MTSS2: variants seen among roughly 807,000 people sequenced by gnomAD.
MTSS2 encodes protein MTSS 2.
MTSS2 carries 27 observed loss-of-function variants against 67.1 expected under a neutral mutation model. The ratio of observed to expected loss-of-function variants is 0.40; its 90% CI spans 0.30 to 0.55. The LOEUF is 0.55. MTSS2 is among the 20% of genes least tolerant of loss of function. The pLI is 0.43. For missense variants in MTSS2, 1,171 were observed against 1,067.8 expected (o/e 1.10, Z -1.35); for synonymous variants, 624 against 468.6 (o/e 1.33, Z -4.28).
chr16:70,679,257 G>A, intron 7 of MTSS2, 58 bp downstream of exon 7: 2 of 1,603,686 alleles, frequency 1.2e-6, no homozygotes, highest in Non-Finnish European at 1.7e-6. Context: ...AGCTGGGGGA[G>A]ACAGACAAAT....
chr16:70,674,418 G>A lies in MTSS2; in HGVS notation c.941C>T (p.Ala314Val). 1 of 1,614,208 alleles carries A rather than the reference G, an allele frequency of 6.2e-7. No homozygotes were observed. Among genetic ancestry groups the A allele is most frequent in the South Asian group, 1.1e-5 (1 of 91,086 alleles). The change falls in exon 11 of 15, where the codon GCC becomes GTC. Residue 314 changes from alanine (A) to valine (V), a missense_variant. By Grantham distance (64) the Ala-to-Val change is moderately conservative. Around this residue, in one of 2 missense-constraint regions of MTSS2, gnomAD observed 924 missense variants for 756.0 expected, o/e 1.22. Transcript: ENST00000338779. ...GCTGGAGAGGCGAGCGGTGGTGGTG[G>A]CTGGCTGCGCCAGGCTGCGGTAGCG... ...TCRYRSLAQPATTTARLSSVS... is the reference protein window; with the variant it reads ...TCRYRSLAQPVTTTARLSSVS...
At chr16:70,683,109 G>A (rs987989391) in intron 1 of MTSS2, among the ~76,000 whole-genome samples, 3 of 152,208 alleles carry the variant, frequency 2.0e-5, no homozygotes, top group Non-Finnish European at 2.9e-5. Flanking sequence ...CTCATTAGAG[G>A]CGCCCAAGTG....
At position 70,662,551 on chromosome 16, in the gene MTSS2, A is replaced by T. The variant is rs2052524797; in HGVS notation, c.*1126T>A. 1 of 152,308 alleles carries T rather than the reference A, an allele frequency of 6.6e-6. No homozygotes were observed. The highest frequency in any genetic ancestry group is 2.1e-4 in the South Asian group (1 of 4,814). 9.4% of individuals were successfully genotyped at this position (152,308 alleles called of 1,614,324 possible). On this transcript the variant is annotated 3_prime_UTR_variant, in exon 15 of 15. Coordinates refer to ENST00000338779, the MANE Select transcript of MTSS2 (RefSeq NM_138383.3). The stretch of plus-strand genomic sequence containing the variant: ...CTCAGACCACAGCAGACAGGCCGGG[A>T]GCCTCCCAACCTTATTTTGGCTACG...
chr16:70,663,338 G>T lies in MTSS2; in HGVS notation c.*339C>A, dbSNP rs527643322. 5 of 313,488 alleles carry T rather than the reference G, an allele frequency of 1.6e-5. No individual in the cohort carries two copies. Among genetic ancestry groups the T allele is most frequent in the Non-Finnish European group, 2.9e-5 (5 of 170,984 alleles). The allele number at this position is 313,488 out of a possible 1,614,324, so 19.4% of individuals were successfully genotyped here. A position where few individuals can be genotyped will look rare whatever the true frequency, so the allele number is the denominator to read the frequency against. On this transcript the variant is annotated 3_prime_UTR_variant, in exon 15 of 15. Coordinates refer to ENST00000338779, the MANE Select transcript of MTSS2 (RefSeq NM_138383.3). Reference sequence around the variant, plus strand: ...GAGAGGCCGGGATGGTGAAAGGGAGGCCAGCCTGGCCCCTCTGTCATGGGC... The same window carrying T: ...GAGAGGCCGGGATGGTGAAAGGGAGTCCAGCCTGGCCCCTCTGTCATGGGC...
chr16:70,665,812 CG>C, intron 11 of MTSS2: 1 of 325,852 alleles, frequency 3.1e-6, no homozygotes, highest in Non-Finnish European at 5.6e-6. Flanking sequence ...TCACTGCTGA[CG>C]GCCTGGATAT....
chr16:70,677,252 G>T (rs1163089057), intron 9 of MTSS2, among the ~76,000 whole-genome samples: 2 of 152,212 alleles, frequency 1.3e-5, no homozygotes, highest in Non-Finnish European at 2.9e-5. Context: ...GGTGCAGGTT[G>T]CTCCTGCGCC....
rs1407335910 is a variant in MTSS2, at chr16:70,665,061, T to C, written c.1164A>G (p.Ser388=). The C allele has an allele frequency of 6.3e-7, 1 of 1,597,872 alleles. No homozygotes were observed. The highest frequency in any genetic ancestry group is 1.1e-5 in the South Asian group (1 of 90,720). Residue 388 remains serine, a synonymous_variant, in exon 13 of 15, where the codon TCA becomes TCG. Transcript: ENST00000338779. ...CCTTCCTCCGCTGCAGAGTGGCGCC[T>C]GAGGGCTGCTCATGGGAGCCGACCT... ...WSKVGSHEQP[S]GATLQRRKDR...
chr16:70,673,770 G>A (rs1201424441), intron 11 of MTSS2, among the ~76,000 whole-genome samples: 2 of 151,958 alleles, frequency 1.3e-5, no homozygotes, highest in Non-Finnish European at 1.5e-5. Context: ...GAGAAGGAGT[G>A]GGTGACAAGT....
At position 70,664,956 on chromosome 16, in the gene MTSS2, C is replaced by A; in HGVS notation, c.1269G>T (p.Pro423=). 6.4e-7 allele frequency: 1 copy of A among 1,569,142 alleles called. No homozygotes were observed. The highest frequency in any genetic ancestry group is 8.6e-7 in the Non-Finnish European group (1 of 1,165,446). Residue 423 remains proline (P), a synonymous_variant, in exon 13 of 15, where the codon CCG becomes CCT. Transcript: ENST00000338779. ...TGGTGGCAGGGGACATCCGGGGTCG[C>A]GGTGCCTCTTCCCCGCTGGGGCCCA... ...GTLGPSGEEA[P]RPRMSPATIA...
chr16:70,663,954 G>C lies in MTSS2; in HGVS notation c.1967C>G (p.Pro656Arg). The C allele has an allele frequency of 6.4e-7, 1 of 1,563,372 alleles. No homozygotes were observed. The highest frequency in any genetic ancestry group is 8.6e-7 in the Non-Finnish European group (1 of 1,156,302). ...GSPSPEAAGY[P>R]GAGAEDEQQQ... ...CTGCTCGTCCTCGGCCCCTGCCCCGGGGTACCCGGCTGCCTCTGGGGATGG... is the reference window on the plus strand; with the variant it reads ...CTGCTCGTCCTCGGCCCCTGCCCCGCGGTACCCGGCTGCCTCTGGGGATGG... Residue 656 changes from proline to arginine, a missense_variant, in exon 15 of 15, where the codon CCC (proline) becomes CGC (arginine). Coordinates refer to ENST00000338779, the MANE Select transcript of MTSS2 (RefSeq NM_138383.3).
rs1402020676 is a variant in MTSS2 at position 70,661,596 on chromosome 16, G to GA, written c.*2080_*2081insT. 2.8e-6 allele frequency: 1 copy of GA among 352,912 alleles called. No individual in the cohort carries two copies. The highest frequency in any genetic ancestry group is 5.5e-6 in the Non-Finnish European group (1 of 180,726). 21.9% of individuals were successfully genotyped at this position (352,912 alleles called of 1,614,324 possible). A position where few individuals can be genotyped will look rare whatever the true frequency, so the allele number is the denominator to read the frequency against. On this transcript the variant is annotated 3_prime_UTR_variant, in exon 15 of 15. Transcript: ENST00000338779. ...GTGGGATGGTTGGCTCGGATCCCGAGGTGGGTGGGCCTATGAGGTGGTTGC... is the reference window on the plus strand; with the variant it reads ...GTGGGATGGTTGGCTCGGATCCCGAGAGTGGGTGGGCCTATGAGGTGGTTGC...
rs767746816 is a variant in MTSS2, at chr16:70,679,953, C to G, written c.290+18G>C. The stretch of plus-strand genomic sequence containing the variant: ...CCCCGTCCCCCCGCCCCCCTGCCCG[C>G]CCGCAGCGCCCACTCACTTGGTGAA... On this transcript the variant is annotated intron_variant, in intron 4 of 14. Coordinates refer to ENST00000338779, the MANE Select transcript of MTSS2 (RefSeq NM_138383.3). 1.4e-6 allele frequency: 2 copies of G among 1,479,262 alleles called. No individual in the cohort carries two copies. Among genetic ancestry groups the G allele is most frequent in the East Asian group, 2.6e-5 (1 of 38,466 alleles). 91.6% of individuals were successfully genotyped at this position (1,479,262 alleles called of 1,614,324 possible).
At position 70,661,607 on chromosome 16, in the gene MTSS2, C is replaced by G; in HGVS notation, c.*2070G>C. ...GGCTCGGATCCCGAGGTGGGTGGGC[C>G]TATGAGGTGGTTGCTAAGTCGACGC... On this transcript the variant is annotated 3_prime_UTR_variant, in exon 15 of 15. Coordinates refer to ENST00000338779, the MANE Select transcript of MTSS2 (RefSeq NM_138383.3). 2.9e-6 allele frequency: 1 copy of G among 347,940 alleles called. No individual in the cohort carries two copies. Among genetic ancestry groups the G allele is most frequent in the Non-Finnish European group, 5.6e-6 (1 of 178,572 alleles). The allele number at this position is 347,940 out of a possible 1,614,324, so 21.6% of individuals were successfully genotyped here.
chr16:70,679,548 AGGCTTTGGGGCGCCCCACGG>A, intron 6 of MTSS2, 62 bp downstream of exon 6: 1 of 1,441,334 alleles, frequency 6.9e-7, no homozygotes, highest in Non-Finnish European at 9.3e-7. Context: ...GCTGGGATGA[AGGCTTTGGGGCGCCCCACGG>A]GGCGGTGGGG....
Position 70,664,551 on chromosome 16 carries a change from G to A in MTSS2, c.1471+47C>T, listed in dbSNP as rs1476265341. On this transcript the variant is annotated intron_variant, in intron 14 of 14. Transcript: ENST00000338779. ...GGGAAGGACGGGGCCCTCCTGGATG[G>A]CTAAGTCCCAGCTGTCCCTGGTCCC... 3.1e-6 allele frequency: 5 copies of A among 1,598,060 alleles called. No individual in the cohort carries two copies. The South Asian group carries it at 5.6e-5, about 18-fold the overall frequency.
At chr16:70,679,235 C>T in intron 7 of MTSS2, 80 bp downstream of exon 7, 2 of 1,554,960 alleles carry the variant, frequency 1.3e-6, no homozygotes, top group Non-Finnish European at 1.8e-6. Flanking sequence ...GAGGTTCCTT[C>T]CAATGGCCCT....
intron 12 of MTSS2, 86 bp from the exon 13 acceptor site, chr16:70,665,182 G>T (rs756147036): frequency 1.1e-5 from 16 of 1,446,426 alleles, no homozygotes; most frequent in African/African-American, 1.4e-5. Flanking sequence ...GAGGCTCAGG[G>T]TGTCCAGGGC....
rs1180861222 is a variant in MTSS2 at position 70,661,415 on chromosome 16, G to T, written c.*2262C>A. On this transcript the variant is annotated 3_prime_UTR_variant, in exon 15 of 15. Coordinates refer to ENST00000338779, the MANE Select transcript of MTSS2 (RefSeq NM_138383.3). ...GGGAGGGTGAGTAGGAACCAGGAGGGCTGCCTGGGGTGGGGGAATAAATTA... is the reference window on the plus strand; with the variant it reads ...GGGAGGGTGAGTAGGAACCAGGAGGTCTGCCTGGGGTGGGGGAATAAATTA... The T allele has an allele frequency of 2.0e-5, 7 of 347,946 alleles. No homozygotes were observed. In the Admixed American group the frequency reaches 2.5e-4, roughly 12 times the overall value. The allele number at this position is 347,946 out of a possible 1,614,324, so 21.6% of individuals were successfully genotyped here.
intron 1 of MTSS2, among the ~76,000 whole-genome samples, 167 bp from the exon 2 acceptor site, chr16:70,681,192 A>G (rs1217989590): frequency 6.6e-6 from 1 of 152,160 alleles, no homozygotes; most frequent in African/African-American, 2.4e-5. Flanking sequence ...CAGAGGACCA[A>G]GGACAGAGCC....
Sources: gnomAD v4.1 joint callset for allele counts (sites outside exome capture counted in the v4.1 genomes callset) on GRCh38, gnomAD v4.1.1 for gene constraint, gnomAD v4.1.1 regional missense constraint, MANE v1.5 for transcripts, NCBI Gene and HGNC (gene_info 2026-07-23, HGNC 2026-07-21) for gene names.